LARGE1: variants seen among roughly 807,000 people sequenced by gnomAD.
LARGE1 encodes the protein xylosyl- and glucuronyltransferase LARGE1.
LARGE1 carries 43 observed loss-of-function variants against 87.6 expected under a neutral mutation model. The observed-to-expected ratio is 0.49, with a 90% CI of 0.38 to 0.63. The LOEUF (loss-of-function observed/expected upper bound fraction) is 0.63, where lower values mean the gene tolerates loss of function less well. Among genes scored for constraint, LARGE1 ranks in the 30% least tolerant of loss-of-function variants. The probability of loss-of-function intolerance (pLI) is 0.00; values close to 1 mark genes in which losing one functional copy is unlikely to be tolerated. For synonymous variants in LARGE1, 434 were observed against 394.6 expected (o/e 1.10, Z -1.18); for missense variants, 802 against 1,000.2 (o/e 0.80, Z 2.67).
At chr22:33,329,786 T>G (rs1384116469) in intron 10 of LARGE1, among the ~76,000 whole-genome samples, 4 of 152,198 alleles carry the variant, frequency 2.6e-5, no homozygotes, top group Non-Finnish European at 5.9e-5. Context: ...TTAATGGTTT[T>G]TGCATTTAAA....
At chr22:33,385,506 C>T (rs541590958) in intron 7 of LARGE1, among the ~76,000 whole-genome samples, 9 of 108,566 alleles carry the variant, frequency 8.3e-5, no homozygotes, top group South Asian at 3.7e-4. Flanking sequence ...CCAGCCTGGA[C>T]GACAGCGCAG....
chr22:33,377,106 A>C (rs892432652), intron 9 of LARGE1, among the ~76,000 whole-genome samples: 5 of 152,192 alleles, frequency 3.3e-5, no homozygotes, highest in African/African-American at 1.2e-4. Context: ...TGAAATATGA[A>C]TGTTGCCAAA....
At chr22:33,105,163 AT>A in the LARGE1 span, among the ~76,000 whole-genome samples, 25 of 145,092 alleles carry the variant, frequency 1.7e-4, no homozygotes, top group Admixed American at 1.4e-4. Flanking sequence ...AAGCCCCGCT[AT>A]TTTTTTTTTG....
At chr22:33,558,823 C>T (rs903884794) in intron 6 of LARGE1, among the ~76,000 whole-genome samples, 4 of 152,226 alleles carry the variant, frequency 2.6e-5, no homozygotes, top group Non-Finnish European at 4.4e-5. Context: ...CATTATTGTA[C>T]AGCCCCAATG....
At chr22:33,521,466 G>A (rs779266603) in intron 6 of LARGE1, among the ~76,000 whole-genome samples, 15 of 152,202 alleles carry the variant, frequency 9.9e-5, no homozygotes, top group Non-Finnish European at 2.1e-4. Context: ...TTCACAACAG[G>A]GCAGACAGGC....
intron 1 of LARGE1, among the ~76,000 whole-genome samples, chr22:33,832,898 C>G (rs572757570): frequency 1.2e-4 from 18 of 152,372 alleles, no homozygotes; most frequent in Admixed American, 1.2e-3. Flanking sequence ...TGTTGTTGGA[C>G]TGGGCCAGAC....
intron 5 of LARGE1, among the ~76,000 whole-genome samples, chr22:33,583,556 TAAG>T (rs1186213490): frequency 2.6e-5 from 4 of 152,112 alleles, no homozygotes; most frequent in South Asian, 4.1e-4. Flanking sequence ...ACCCGATAAA[TAAG>T]AAAATTAGAA....
intron 11 of LARGE1, among the ~76,000 whole-genome samples, chr22:33,226,687 T>G (rs551885025): frequency 6.1e-4 from 93 of 152,096 alleles, no homozygotes; most frequent in African/African-American, 2.1e-3. Flanking sequence ...TGCACCCACC[T>G]ATGATGAAGA....
Position 33,283,334 on chromosome 22 carries a change from T to C in LARGE1, c.1745A>G (p.Gln582Arg). The change falls in exon 13 of 15, where the codon CAG (glutamine) becomes CGG (arginine). Residue 582 changes from glutamine (Q) to arginine (R), a missense_variant. Coordinates refer to ENST00000397394, the MANE Select transcript of LARGE1 (RefSeq NM_133642.5). ...TTTCTTGGTGTTGGCAAGATCGAGC[T>C]GGATGACAGACTTCCTGAAAAGAGG... Reference protein sequence around the residue: ...LYEYLRKSVIQLDLANTKKAM... With the variant: ...LYEYLRKSVIRLDLANTKKAM... 6.2e-7 allele frequency: 1 copy of C among 1,614,156 alleles called. No homozygotes were observed. Among genetic ancestry groups the C allele is most frequent in the Non-Finnish European group, 8.5e-7 (1 of 1,180,036 alleles).
At chr22:33,318,717 T>G (rs1460317977) in intron 10 of LARGE1, among the ~76,000 whole-genome samples, 1 of 152,060 alleles carries the variant, frequency 6.6e-6, no homozygotes, top group Non-Finnish European at 1.5e-5. Context: ...CGGCACATTG[T>G]GCACATGTAC....
chr22:33,600,084 G>T (rs1398061237), intron 5 of LARGE1, among the ~76,000 whole-genome samples: 1 of 152,134 alleles, frequency 6.6e-6, no homozygotes, highest in Non-Finnish European at 1.5e-5. Context: ...TAGGCATTAG[G>T]AATGTGGTGA....
intron 2 of LARGE1, among the ~76,000 whole-genome samples, chr22:33,743,399 A>T (rs1026286399): frequency 6.6e-6 from 1 of 152,086 alleles, no homozygotes; most frequent in East Asian, 1.9e-4. Context: ...CTCTGCCAGT[A>T]TCCATTTGCT....
intron 1 of LARGE1, among the ~76,000 whole-genome samples, chr22:33,839,339 G>A (rs1400657887): frequency 6.6e-6 from 1 of 152,160 alleles, no homozygotes; most frequent in East Asian, 1.9e-4. Flanking sequence ...AGGGGTCAGT[G>A]CTAACCCATT....
chr22:33,214,172 A>C (rs1043794423), intron 11 of LARGE1, among the ~76,000 whole-genome samples: 4 of 152,190 alleles, frequency 2.6e-5, no homozygotes, highest in Non-Finnish European at 5.9e-5. Flanking sequence ...TATTTCTCAC[A>C]GTTCTGGAGG....
intron 11 of LARGE1, among the ~76,000 whole-genome samples, chr22:33,310,982 A>C (rs142693941): frequency 6.8e-6 from 1 of 146,084 alleles, no homozygotes. Flanking sequence ...TTTTTTTGAG[A>C]CCGAGTCTCG....
intron 6 of LARGE1, among the ~76,000 whole-genome samples, chr22:33,465,720 C>A (rs2068579771): frequency 6.6e-6 from 1 of 152,186 alleles, no homozygotes; most frequent in African/African-American, 2.4e-5. Context: ...CCAGCCCTGG[C>A]ACAGACAAAG....
chr22:33,389,336 A>T (rs2065435044), intron 7 of LARGE1, among the ~76,000 whole-genome samples: 1 of 152,100 alleles, frequency 6.6e-6, no homozygotes, highest in Non-Finnish European at 1.5e-5. Context: ...TATTCTTAAA[A>T]CCCACTGGGA....
intron 9 of LARGE1, among the ~76,000 whole-genome samples, chr22:33,351,345 T>A (rs551006008): frequency 6.6e-6 from 1 of 152,260 alleles, no homozygotes; most frequent in African/African-American, 2.4e-5. Context: ...TATGGTGGCA[T>A]GGCGCTCTCA....
At chr22:33,432,342 G>T in intron 6 of LARGE1, 77 bp from the exon 7 acceptor site, 1 of 1,066,492 alleles carries the variant, frequency 9.4e-7, no homozygotes, top group Non-Finnish European at 1.4e-6. Context: ...GAAGACACAG[G>T]GTAATGGCAA....
Sources: allele counts gnomAD v4.1 joint callset (sites outside exome capture counted in the v4.1 genomes callset), GRCh38; gene constraint gnomAD v4.1.1; transcripts MANE v1.5; gene names NCBI Gene and HGNC (gene_info 2026-07-23, HGNC 2026-07-21).